ADD3: variants seen among roughly 807,000 people sequenced by gnomAD.
The protein encoded by ADD3 is adducin 3.
Under a neutral mutation model 80.2 loss-of-function variants are expected in ADD3, and 25 were observed. The ratio of observed to expected loss-of-function variants is 0.31; its 90% CI spans 0.23 to 0.44. The LOEUF (loss-of-function observed/expected upper bound fraction) is 0.44. ADD3 is among the 20% of genes least tolerant of loss of function. The pLI is 1.00. For missense variants in ADD3, 829 were observed against 847.5 expected (o/e 0.98, Z 0.27); for synonymous variants, 284 against 289.6 (o/e 0.98, Z 0.20).
chr10:110,026,704 A>G (rs926017102), intron 1 of ADD3, among the ~76,000 whole-genome samples: 5 of 152,098 alleles, frequency 3.3e-5, no homozygotes, highest in Non-Finnish European at 7.3e-5. Context: ...CCTGGTGACA[A>G]TATTCATATT....
exon 1 of ADD3, chr10:109,996,399 CTG>C (rs1851381484): frequency 6.6e-6 from 1 of 152,146 alleles, no homozygotes; most frequent in South Asian, 2.1e-4. Flanking sequence ...GTGAATGAGA[CTG>C]TGAGAAACTT....
chr10:109,999,170 G>T (rs1233419210), intron 1 of ADD3, among the ~76,000 whole-genome samples: 3 of 152,126 alleles, frequency 2.0e-5, no homozygotes, highest in African/African-American at 7.2e-5. Flanking sequence ...AGGGTTTGGG[G>T]ACTACGTACA....
At chr10:110,104,941 CAATG>C (rs1214853452) in intron 2 of ADD3, among the ~76,000 whole-genome samples, 1 of 152,128 alleles carries the variant, frequency 6.6e-6, no homozygotes, top group East Asian at 1.9e-4. Context: ...CATTCAGTGA[CAATG>C]AAAAAATTCT....
At chr10:110,043,972 G>C (rs1856646512) in intron 1 of ADD3, among the ~76,000 whole-genome samples, 1 of 152,204 alleles carries the variant, frequency 6.6e-6, no homozygotes, top group African/African-American at 2.4e-5. Context: ...ACTTTGGGAG[G>C]CTGAGGTGGG....
chr10:110,108,336 T>C lies in ADD3; in HGVS notation c.196-4441T>C, dbSNP rs553066493. 4.6e-5 allele frequency among the ~76,000 whole-genome samples: 7 copies of C among 152,252 alleles called. No homozygotes were observed. The South Asian group carries it at 1.0e-3, about 23-fold the overall frequency. On this transcript the variant is annotated intron_variant, in intron 2 of 14. Transcript: ENST00000356080. ...CACAACATGCCTGCTAGCTTATTAG[T>C]TGTATTTGGTTTCAGAGATACAATC...
rs527488008 is a variant in ADD3, at chr10:110,116,430, A to C, written c.486+20A>C. On this transcript the variant is annotated intron_variant, in intron 4 of 14. Coordinates refer to ENST00000356080, the MANE Select transcript of ADD3 (RefSeq NM_016824.5). Reference sequence around the variant, plus strand: ...ATCTCAGTGAGTTCTTCAGCTTTCAATTCCTTTTTTAAAAAATTCCAGCTA... The same window carrying C: ...ATCTCAGTGAGTTCTTCAGCTTTCACTTCCTTTTTTAAAAAATTCCAGCTA... 1.2e-6 allele frequency: 2 copies of C among 1,611,060 alleles called. No individual in the cohort carries two copies. Among genetic ancestry groups the C allele is most frequent in the African/African-American group, 2.7e-5 (2 of 74,824 alleles).
rs552171621 is a variant in ADD3 at position 110,040,938 on chromosome 10, C to G, written c.-30+32639C>G. On this transcript the variant is annotated intron_variant, in intron 1 of 14. Transcript: ENST00000356080. The stretch of plus-strand genomic sequence containing the variant: ...GCGCTCTCTCTCTCTCGCTCTCTCT[C>G]TCTCTCGCTCTCTCTGTCTCTCTCT... Among the ~76,000 whole-genome samples the G allele has an allele frequency of 3.8e-3, 383 of 101,228 alleles. 2 individuals are homozygous for G. The highest frequency in any genetic ancestry group is 0.012 in the African/African-American group (362 of 30,526). The allele number at this position is 101,228 out of a possible 152,430, so 66.4% of individuals were successfully genotyped here. A position where few individuals can be genotyped will look rare whatever the true frequency, so the allele number is the denominator to read the frequency against.
At chr10:110,111,781 C>T (rs1180600783) in intron 2 of ADD3, among the ~76,000 whole-genome samples, 1 of 151,938 alleles carries the variant, frequency 6.6e-6, no homozygotes, top group South Asian at 2.1e-4. Context: ...CGGGTGGTGG[C>T]GCATGCCTGT....
chr10:110,045,842 G>A (rs1003009768), intron 1 of ADD3, among the ~76,000 whole-genome samples: 1 of 152,176 alleles, frequency 6.6e-6, no homozygotes, highest in Non-Finnish European at 1.5e-5. Context: ...ACATACTGTA[G>A]TCCTGTAATC....
intron 4 of ADD3, 117 bp downstream of exon 4, chr10:110,116,527 C>G (rs940441963): frequency 9.7e-7 from 1 of 1,035,520 alleles, no homozygotes; most frequent in South Asian, 1.6e-5. Flanking sequence ...ACCTAGTATG[C>G]TAGATCACAA....
At chr10:110,070,218 A>AGT (rs1471316800) in intron 1 of ADD3, among the ~76,000 whole-genome samples, 1 of 152,142 alleles carries the variant, frequency 6.6e-6, no homozygotes, top group Non-Finnish European at 1.5e-5. Context: ...ATAATAACAG[A>AGT]GTGTGCTACA....
At chr10:110,130,153 C>A (rs1358754071) in intron 12 of ADD3, among the ~76,000 whole-genome samples, 1 of 151,996 alleles carries the variant, frequency 6.6e-6, no homozygotes, top group African/African-American at 2.4e-5. Flanking sequence ...ATATCACTGG[C>A]AATTTTAGTC....
chr10:110,023,511 A>G (rs1853931727), intron 1 of ADD3, among the ~76,000 whole-genome samples: 1 of 152,248 alleles, frequency 6.6e-6, no homozygotes, highest in African/African-American at 2.4e-5. Context: ...CAACTTGCTG[A>G]ACAATGGAGA....
At chr10:110,023,377 A>C (rs1242150742) in intron 1 of ADD3, among the ~76,000 whole-genome samples, 1 of 152,210 alleles carries the variant, frequency 6.6e-6, no homozygotes, top group East Asian at 1.9e-4. Context: ...CCCAGGCTTC[A>C]GAACTGAGAG....
chr10:110,076,943 C>G (rs774236659), intron 1 of ADD3: 8 of 152,212 alleles, frequency 5.3e-5, no homozygotes, highest in Non-Finnish European at 7.3e-5. Context: ...GCAGTTTGCT[C>G]TCACTGAAGT....
chr10:110,113,366 C>G (rs1426579728), intron 3 of ADD3, among the ~76,000 whole-genome samples: 1 of 152,186 alleles, frequency 6.6e-6, no homozygotes, highest in Non-Finnish European at 1.5e-5. Flanking sequence ...CTCGCAGGTT[C>G]AAGCGATTCT....
At position 110,123,587 on chromosome 10, in the gene ADD3, C is replaced by T. The variant is rs187855471; in HGVS notation, c.1144-430C>T. Among the ~76,000 whole-genome samples, 5 of 152,176 alleles carry T rather than the reference C, an allele frequency of 3.3e-5. No individual in the cohort carries two copies. The East Asian group carries it at 9.7e-4, about 29-fold the overall frequency. Reference sequence around the variant, plus strand: ...GTCCCCTATATATTTTGGATAGTAACCCCTTAAAAGATGTATGGTTTGGCA... The same window carrying T: ...GTCCCCTATATATTTTGGATAGTAATCCCTTAAAAGATGTATGGTTTGGCA... On this transcript the variant is annotated intron_variant, in intron 9 of 14. Coordinates refer to ENST00000356080, the MANE Select transcript of ADD3 (RefSeq NM_016824.5).
Position 110,119,418 on chromosome 10 carries a change from G to A in ADD3, c.862-48G>A, listed in dbSNP as rs1404641829. ...CTGCTGCTGTTGATGAAAACAGTGT[G>A]AGCTATGCCAGTTATTTCAAGTGAT... On this transcript the variant is annotated intron_variant, in intron 7 of 14. Transcript: ENST00000356080. 9.3e-6 allele frequency: 15 copies of A among 1,613,382 alleles called. No individual in the cohort carries two copies. The East Asian group carries it at 3.1e-4, about 34-fold the overall frequency.
intron 1 of ADD3, among the ~76,000 whole-genome samples, chr10:110,074,744 A>G (rs546958607): frequency 6.6e-6 from 1 of 152,354 alleles, no homozygotes; most frequent in East Asian, 1.9e-4. Context: ...TTTAAATGAA[A>G]CAAATATTTG....
Sources: gnomAD v4.1 joint callset for allele counts (sites outside exome capture counted in the v4.1 genomes callset) on GRCh38, gnomAD v4.1.1 for gene constraint, MANE v1.5 for transcripts, NCBI Gene and HGNC (gene_info 2026-07-23, HGNC 2026-07-21) for gene names.